RFX4: variants seen among roughly 807,000 people sequenced by gnomAD.
RFX4 encodes regulatory factor X4.
Under a neutral mutation model 95.0 loss-of-function variants are expected in RFX4, and 10 were observed. The ratio of observed to expected loss-of-function variants is 0.11; its 90% CI spans 0.06 to 0.18. RFX4 has a LOEUF of 0.18. Ranked by LOEUF, RFX4 falls within the 10% of genes least tolerant of loss-of-function variation. RFX4 has a pLI of 1.00. For missense variants in RFX4, 640 were observed against 922.0 expected (o/e 0.69, Z 3.96); for synonymous variants, 321 against 340.7 (o/e 0.94, Z 0.64).
chr12:106,709,567 T>C (rs1555233167), intron 9 of RFX4, 137 bp downstream of exon 9: 3 of 598,696 alleles, frequency 5.0e-6, no homozygotes, highest in African/African-American at 1.9e-5. Flanking sequence ...CTAATTACTT[T>C]ACATATGTAA....
At chr12:106,583,399 G>A (rs1453588186) in intron 1 of RFX4, 36 bp downstream of exon 1, 1 of 1,524,834 alleles carries the variant, frequency 6.6e-7, no homozygotes. Context: ...GGATACATTG[G>A]GAGGGAAGGA....
chr12:106,602,863 T>A (rs1180838423), intron 1 of RFX4, among the ~76,000 whole-genome samples: 1 of 152,174 alleles, frequency 6.6e-6, no homozygotes, highest in African/African-American at 2.4e-5. Flanking sequence ...TGTACTAGGC[T>A]CTTGGGGACA....
intron 15 of RFX4, among the ~76,000 whole-genome samples, chr12:106,737,856 T>C (rs968801642): frequency 6.6e-6 from 1 of 152,222 alleles, no homozygotes; most frequent in Non-Finnish European, 1.5e-5. Flanking sequence ...TTTGTTTATA[T>C]AGATGCGCCT....
chr12:106,687,213 C>T (rs1159727877), intron 6 of RFX4, 116 bp downstream of exon 6: 2 of 766,414 alleles, frequency 2.6e-6, no homozygotes, highest in Non-Finnish European at 4.2e-6. Flanking sequence ...CACACACACA[C>T]ACACACACAC....
chr12:106,610,561 G>A (rs1353542314), intron 2 of RFX4, among the ~76,000 whole-genome samples: 2 of 152,156 alleles, frequency 1.3e-5, no homozygotes, highest in African/African-American at 2.4e-5. Flanking sequence ...GAAGTCATAT[G>A]GTGTTTGTCT....
In RFX4 at chr12:106,689,432, A is replaced by T. The variant is rs574084971; in HGVS notation, c.669+68A>T. 3.1e-4 allele frequency: 407 copies of T among 1,294,158 alleles called. 2 individuals are homozygous for T. In the East Asian group the frequency reaches 8.2e-3, roughly 26 times the overall value. The allele number at this position is 1,294,158 out of a possible 1,614,324, so 80.2% of individuals were successfully genotyped here. On this transcript the variant is annotated intron_variant, in intron 7 of 17. Transcript: ENST00000392842. ...ATCTTGTAACACTAGCTCCTATTTC[A>T]TGAGCTCCTGCTAGGTGCCAGGCCT...
At chr12:106,732,519 CA>C (rs1402526530) in intron 14 of RFX4, among the ~76,000 whole-genome samples, 1 of 151,956 alleles carries the variant, frequency 6.6e-6, no homozygotes, top group Non-Finnish European at 1.5e-5. Flanking sequence ...GTCAATATGG[CA>C]AAACCCCATC....
At chr12:106,751,444 G>A (rs1287404892) in intron 17 of RFX4, among the ~76,000 whole-genome samples, 1 of 150,750 alleles carries the variant, frequency 6.6e-6, no homozygotes, top group South Asian at 2.1e-4. Flanking sequence ...TCCTTTGGGT[G>A]TATACCCAGT....
chr12:106,617,439 A>G (rs1241331342), intron 2 of RFX4, among the ~76,000 whole-genome samples: 3 of 152,134 alleles, frequency 2.0e-5, no homozygotes, highest in African/African-American at 7.2e-5. Flanking sequence ...CACTTTCATT[A>G]TTGTTCAGTT....
At chr12:106,665,172 T>C (rs1043398085) in intron 4 of RFX4, among the ~76,000 whole-genome samples, 4 of 151,868 alleles carry the variant, frequency 2.6e-5, no homozygotes, top group Non-Finnish European at 5.9e-5. Flanking sequence ...TGCTGTCTTG[T>C]TAGGCACATG....
intron 4 of RFX4, among the ~76,000 whole-genome samples, chr12:106,665,566 T>G (rs1261428319): frequency 6.6e-6 from 1 of 151,986 alleles, no homozygotes; most frequent in Non-Finnish European, 1.5e-5. Context: ...TTGTTACGAT[T>G]TTTGTCTTCC....
intron 2 of RFX4, among the ~76,000 whole-genome samples, chr12:106,616,709 A>C (rs536542312): frequency 3.9e-5 from 6 of 152,204 alleles, no homozygotes; most frequent in South Asian, 4.1e-4. Context: ...AATCTGTTTC[A>C]TCTAAATTTT....
At chr12:106,702,101 A>G (rs188893700) in intron 8 of RFX4, among the ~76,000 whole-genome samples, 18 of 152,198 alleles carry the variant, frequency 1.2e-4, no homozygotes, top group Admixed American at 4.6e-4. Flanking sequence ...ATGCTTGTTT[A>G]CTTTTTCCAT....
chr12:106,619,599 C>T (rs2040140294), intron 2 of RFX4, among the ~76,000 whole-genome samples: 4 of 152,154 alleles, frequency 2.6e-5, no homozygotes, highest in Admixed American at 2.6e-4. Context: ...TTGGGGATCA[C>T]TGAGCTTCTT....
chr12:106,753,593 G>T (rs2043052152), intron 17 of RFX4, among the ~76,000 whole-genome samples: 1 of 152,124 alleles, frequency 6.6e-6, no homozygotes, highest in Admixed American at 6.5e-5. Context: ...AACACGTGTT[G>T]TATGCCAGGC....
At chr12:106,603,237 C>T (rs1175112687) in intron 1 of RFX4, among the ~76,000 whole-genome samples, 2 of 152,196 alleles carry the variant, frequency 1.3e-5, no homozygotes, top group Non-Finnish European at 2.9e-5. Context: ...CCACTCTGAA[C>T]CTTGAACTGC....
intron 3 of RFX4, 51 bp from the exon 4 acceptor site, chr12:106,654,177 T>C: frequency 6.2e-7 from 1 of 1,612,454 alleles, no homozygotes; most frequent in Non-Finnish European, 8.5e-7. Context: ...AGACCGTTCT[T>C]GCTTGGGGAA....
At chr12:106,712,304 A>T (rs1405111331) in intron 10 of RFX4, among the ~76,000 whole-genome samples, 1 of 152,180 alleles carries the variant, frequency 6.6e-6, no homozygotes. Flanking sequence ...AAAACCTTCA[A>T]GGGCTGACAA....
At chr12:106,607,632 G>T (rs543146322) in intron 1 of RFX4, among the ~76,000 whole-genome samples, 1 of 152,246 alleles carries the variant, frequency 6.6e-6, no homozygotes, top group South Asian at 2.1e-4. Context: ...AATAAATGGA[G>T]CATAAAAAGA....
Sources: allele counts gnomAD v4.1 joint callset (sites outside exome capture counted in the v4.1 genomes callset), GRCh38; gene constraint gnomAD v4.1.1; transcripts MANE v1.5; gene names NCBI Gene and HGNC (gene_info 2026-07-23, HGNC 2026-07-21).